NOVA1: variants seen among roughly 807,000 people sequenced by gnomAD.
NOVA1 encodes RNA-binding protein Nova-1.
A neutral mutation model predicts 38.0 loss-of-function variants in NOVA1; 7 were observed. The observed-to-expected ratio is 0.18, with a 90% CI of 0.10 to 0.35. The LOEUF is 0.35. NOVA1 is among the 10% of genes least tolerant of loss of function. NOVA1 has a pLI of 1.00. For synonymous variants in NOVA1, 270 were observed against 232.5 expected (o/e 1.16, Z -1.47); for missense variants, 460 against 616.0 (o/e 0.75, Z 2.68).
chr14:26,519,833 A>C (rs1022419851), intron 2 of NOVA1, among the ~76,000 whole-genome samples: 3 of 152,150 alleles, frequency 2.0e-5, no homozygotes, highest in African/African-American at 4.8e-5. Context: ...AAGTAGAAGA[A>C]ATTTTTTTCT....
intron 2 of NOVA1, among the ~76,000 whole-genome samples, chr14:26,505,246 G>A (rs1016387928): frequency 3.3e-5 from 5 of 152,168 alleles, no homozygotes; most frequent in Non-Finnish European, 5.9e-5. Context: ...GTTTGGTACT[G>A]TGGCCCGACC....
chr14:26,536,098 A>G (rs1195681728), intron 2 of NOVA1, among the ~76,000 whole-genome samples: 1 of 152,184 alleles, frequency 6.6e-6, no homozygotes, highest in African/African-American at 2.4e-5. Flanking sequence ...TAAGTGAAAT[A>G]AGACAGGCAT....
At chr14:26,484,293 G>A (rs563602915) in intron 2 of NOVA1, among the ~76,000 whole-genome samples, 3 of 151,518 alleles carry the variant, frequency 2.0e-5, no homozygotes, top group Non-Finnish European at 4.4e-5. Flanking sequence ...AAAAATAGCC[G>A]GGCATGGTGG....
intron 2 of NOVA1, among the ~76,000 whole-genome samples, chr14:26,507,867 C>G (rs1304030739): frequency 6.6e-6 from 1 of 151,508 alleles, no homozygotes; most frequent in Non-Finnish European, 1.5e-5. Context: ...CTCCTTTCAC[C>G]AAAACAAAAA....
At chr14:26,482,709 T>C (rs1885565806) in intron 2 of NOVA1, among the ~76,000 whole-genome samples, 1 of 152,140 alleles carries the variant, frequency 6.6e-6, no homozygotes, top group Non-Finnish European at 1.5e-5. Context: ...AATTAATTAA[T>C]TTTTTTGAGA....
chr14:26,465,123 G>A (rs1884008210), intron 4 of NOVA1, among the ~76,000 whole-genome samples: 2 of 152,098 alleles, frequency 1.3e-5, no homozygotes, highest in Admixed American at 6.6e-5. Flanking sequence ...ACATTATCTT[G>A]ATATCACACA....
At chr14:26,481,975 A>T (rs1288531053) in intron 2 of NOVA1, among the ~76,000 whole-genome samples, 1 of 121,550 alleles carries the variant, frequency 8.2e-6, no homozygotes, top group Non-Finnish European at 1.8e-5. Flanking sequence ...AAACAGTCTA[A>T]CTTAGATAGA....
At chr14:26,451,215 T>C (rs1882644532) in intron 4 of NOVA1, among the ~76,000 whole-genome samples, 2 of 152,120 alleles carry the variant, frequency 1.3e-5, no homozygotes, top group South Asian at 2.1e-4. Flanking sequence ...TTTTCACAGT[T>C]TTTTTCTTTT....
At chr14:26,551,484 A>C (rs1048118729) in intron 2 of NOVA1, among the ~76,000 whole-genome samples, 4 of 152,086 alleles carry the variant, frequency 2.6e-5, no homozygotes, top group Non-Finnish European at 5.9e-5. Flanking sequence ...TCGATATCAC[A>C]AACTATGCAT....
intron 2 of NOVA1, among the ~76,000 whole-genome samples, chr14:26,483,040 C>A (rs899530049): frequency 6.6e-6 from 1 of 152,024 alleles, no homozygotes; most frequent in African/African-American, 2.4e-5. Flanking sequence ...AAAGAAATCA[C>A]AAAAAGTATA....
intron 2 of NOVA1, among the ~76,000 whole-genome samples, chr14:26,574,452 AT>A (rs1159447279): frequency 6.6e-6 from 1 of 152,210 alleles, no homozygotes; most frequent in Admixed American, 6.5e-5. Flanking sequence ...TGGAAATGTC[AT>A]TCATACTTAA....
chr14:26,556,767 C>T (rs1406855247), intron 2 of NOVA1, among the ~76,000 whole-genome samples: 32 of 151,920 alleles, frequency 2.1e-4, no homozygotes, highest in Admixed American at 2.1e-3. Flanking sequence ...TCTAAAATAT[C>T]AAAAAAGCAC....
chr14:26,484,428 GA>G (rs869087238), intron 2 of NOVA1, among the ~76,000 whole-genome samples: 66 of 56,464 alleles, frequency 1.2e-3, no homozygotes, highest in South Asian at 2.2e-3. Flanking sequence ...ACTCCGTCTC[GA>G]AAAAAAAAAA....
At chr14:26,586,800 A>C (rs1283821570) in intron 2 of NOVA1, among the ~76,000 whole-genome samples, 1 of 151,188 alleles carries the variant, frequency 6.6e-6, no homozygotes, top group Non-Finnish European at 1.5e-5. Flanking sequence ...CCTTTTCTAA[A>C]AGAAATTTGT....
chr14:26,475,670 A>T (rs892067011), intron 3 of NOVA1, among the ~76,000 whole-genome samples: 1 of 152,172 alleles, frequency 6.6e-6, no homozygotes, highest in African/African-American at 2.4e-5. Flanking sequence ...TGAAGGGTGA[A>T]AATACTTAAT....
intron 4 of NOVA1, among the ~76,000 whole-genome samples, chr14:26,466,569 A>G (rs1410750511): frequency 2.0e-5 from 3 of 152,198 alleles, no homozygotes; most frequent in African/African-American, 7.2e-5. Flanking sequence ...TTGTGAACAT[A>G]AAATTAGGTA....
chr14:26,463,531 G>A (rs1883872690), intron 4 of NOVA1, among the ~76,000 whole-genome samples: 1 of 152,016 alleles, frequency 6.6e-6, no homozygotes, highest in African/African-American at 2.4e-5. Context: ...TTTATATTGG[G>A]TTTTCATATG....
chr14:26,499,851 C>A (rs1054176409), intron 2 of NOVA1, among the ~76,000 whole-genome samples: 1 of 152,060 alleles, frequency 6.6e-6, no homozygotes, highest in African/African-American at 2.4e-5. Flanking sequence ...AGCGTGGTCT[C>A]AAAGTCCAGA....
intron 4 of NOVA1, among the ~76,000 whole-genome samples, chr14:26,459,183 GTATAT>G (rs1566438447): frequency 6.6e-6 from 1 of 151,974 alleles, no homozygotes; most frequent in Non-Finnish European, 1.5e-5. Flanking sequence ...CTATACAGGA[GTATAT>G]TATATTATAT....
Sources: allele counts gnomAD v4.1 joint callset (sites outside exome capture counted in the v4.1 genomes callset), GRCh38; gene constraint gnomAD v4.1.1; transcripts MANE v1.5; gene names NCBI Gene and HGNC (gene_info 2026-07-23, HGNC 2026-07-21).